The following BCAS3 variants were observed in gnomAD, a reference collection of about 807,000 sequenced individuals.
The protein encoded by BCAS3 is BCAS3 microtubule associated cell migration factor.
BCAS3 carries 53 observed loss-of-function variants against 116.1 expected under a neutral mutation model. The ratio of observed to expected loss-of-function variants is 0.46; its 90% confidence interval spans 0.37 to 0.57. The LOEUF is 0.57. Ranked by LOEUF, BCAS3 falls within the 20% of genes least tolerant of loss-of-function variation. BCAS3 has a pLI of 0.00. For missense variants in BCAS3, 917 were observed against 1,165.4 expected (o/e 0.79, Z 3.10); for synonymous variants, 391 against 408.2 (o/e 0.96, Z 0.51).
chr17:61,212,897 C>G (rs1310413138), intron 22 of BCAS3, among the ~76,000 whole-genome samples: 2 of 152,132 alleles, frequency 1.3e-5, no homozygotes, highest in African/African-American at 4.8e-5. Context: ...GAAAATTTGC[C>G]TGTATCTATA....
chr17:61,337,063 A>T lies in BCAS3; in HGVS notation c.2426-31264A>T, dbSNP rs12943227. Among the ~76,000 whole-genome samples the T allele has an allele frequency of 3.8e-3, 581 of 151,860 alleles. 3 individuals are homozygous for T. The highest frequency in any genetic ancestry group is 0.013 in the African/African-American group (547 of 41,454). ...GGGAGGTGGAGGTTGCAGTGAGCCA[A>T]GATTGCCTCATTGCACTCCAGCCTG... On this transcript the variant is annotated intron_variant, in intron 22 of 23. Transcript: ENST00000407086. This position sits in a 1 kb window ranked among gnomAD's most constrained non-coding sequence, Gnocchi z 4.8.
At chr17:61,093,440 A>G (rs1356976615) in intron 22 of BCAS3, among the ~76,000 whole-genome samples, 1 of 152,230 alleles carries the variant, frequency 6.6e-6, no homozygotes, top group East Asian at 1.9e-4. Context: ...TACAAAAATT[A>G]GCCAGGCATG....
At chr17:61,218,308 C>T (rs915541039) in intron 22 of BCAS3, among the ~76,000 whole-genome samples, 4 of 152,148 alleles carry the variant, frequency 2.6e-5, no homozygotes. Context: ...GACTGAAGAC[C>T]GAATTCTCCT....
chr17:61,375,443 A>T (rs1176122342), intron 23 of BCAS3, among the ~76,000 whole-genome samples: 1 of 152,020 alleles, frequency 6.6e-6, no homozygotes, highest in Non-Finnish European at 1.5e-5. Context: ...GTCAGTATGG[A>T]GGGCTGGGAA....
At chr17:61,351,711 C>T (rs770392004) in intron 22 of BCAS3, among the ~76,000 whole-genome samples, 6 of 152,184 alleles carry the variant, frequency 3.9e-5, no homozygotes, top group South Asian at 2.1e-4. Context: ...CTCCCCCTTC[C>T]GCATCTCAGA....
At chr17:61,334,284 T>C (rs552804110) in intron 22 of BCAS3, among the ~76,000 whole-genome samples, 5 of 152,342 alleles carry the variant, frequency 3.3e-5, no homozygotes, top group African/African-American at 9.6e-5. Context: ...GTGAGCTGGA[T>C]GACCTTGGGC....
intron 9 of BCAS3, among the ~76,000 whole-genome samples, chr17:60,881,178 G>C (rs2056107035): frequency 6.6e-6 from 1 of 152,060 alleles, no homozygotes; most frequent in Non-Finnish European, 1.5e-5. Flanking sequence ...ATTTCACTGT[G>C]TTAGCCAGGA....
intron 22 of BCAS3, among the ~76,000 whole-genome samples, chr17:61,310,703 GA>G (rs201678484): frequency 6.6e-6 from 1 of 152,334 alleles, no homozygotes; most frequent in East Asian, 1.9e-4. Flanking sequence ...TGAGAGACAT[GA>G]AGGGGGGCAG....
At chr17:61,183,487 C>T (rs896211515) in intron 22 of BCAS3, among the ~76,000 whole-genome samples, 22 of 152,068 alleles carry the variant, frequency 1.4e-4, no homozygotes, top group African/African-American at 5.3e-4. Context: ...ACAAAGGACT[C>T]ATAAACATAT....
At chr17:60,921,591 C>T (rs1055423303) in intron 12 of BCAS3, among the ~76,000 whole-genome samples, 18 of 132,274 alleles carry the variant, frequency 1.4e-4, no homozygotes, top group Admixed American at 1.2e-3. Context: ...CCAGCCTGGG[C>T]GACAGAGCGA....
chr17:60,689,570 G>T, intron 3 of BCAS3, 116 bp from the exon 4 acceptor site: 2 of 596,038 alleles, frequency 3.4e-6, no homozygotes, highest in Non-Finnish European at 5.8e-6. Context: ...TTACCAAGAT[G>T]TAGGGTTGGT....
chr17:61,359,104 G>A (rs1192421133), intron 22 of BCAS3, among the ~76,000 whole-genome samples: 5 of 152,052 alleles, frequency 3.3e-5, no homozygotes, highest in Non-Finnish European at 7.4e-5. Flanking sequence ...CGCATAACCA[G>A]TCAGCCTTAC....
chr17:61,155,548 A>T (rs1601617926), intron 22 of BCAS3, among the ~76,000 whole-genome samples: 1 of 152,194 alleles, frequency 6.6e-6, no homozygotes, highest in Middle Eastern at 3.4e-3. Context: ...TTGGTCACCC[A>T]GAGCTGCTCT....
chr17:61,227,965 G>A lies in BCAS3; in HGVS notation c.2426-140362G>A, dbSNP rs1306874178. On this transcript the variant is annotated intron_variant, in intron 22 of 23. Coordinates refer to ENST00000407086, the MANE Select transcript of BCAS3 (RefSeq NM_017679.5). This position sits in a 1 kb window ranked among gnomAD's most constrained non-coding sequence, Gnocchi z 6.1. ...CAGGGAAATAAAGTGCAAAGGCTTA[G>A]CCACAGGTGTAGCCATAGAATCCCT... Among the ~76,000 whole-genome samples the A allele has an allele frequency of 1.3e-5, 2 of 152,132 alleles. No individual in the cohort carries two copies. Among genetic ancestry groups the A allele is most frequent in the African/African-American group, 4.8e-5 (2 of 41,430 alleles).
intron 21 of BCAS3, among the ~76,000 whole-genome samples, chr17:61,080,998 GC>G (rs1348113366): frequency 6.6e-6 from 1 of 152,162 alleles, no homozygotes; most frequent in East Asian, 1.9e-4. Context: ...TTTCAGTGAT[GC>G]TAATTGATTA....
In BCAS3 at chr17:60,799,520, G is replaced by GTTTTTTTTTTTTTTTTTT. The variant is rs200098763; in HGVS notation, c.404-8481_404-8480insTTTTTTTTTTTTTTTTTT. On this transcript the variant is annotated intron_variant, in intron 6 of 23. Coordinates refer to ENST00000407086, the MANE Select transcript of BCAS3 (RefSeq NM_017679.5). Reference sequence around the variant, plus strand: ...AATATGTAAGTTTTTTGAGATTAGTGTTTGTTTTTTTTTTTTTTTTTTTTT... The same window carrying GTTTTTTTTTTTTTTTTTT: ...AATATGTAAGTTTTTTGAGATTAGTGTTTTTTTTTTTTTTTTTTTTTGTTTTTTTTTTTTTTTTTTTTT... 1.7e-4 allele frequency among the ~76,000 whole-genome samples: 20 copies of GTTTTTTTTTTTTTTTTTT among 117,638 alleles called. 4 individuals are homozygous for GTTTTTTTTTTTTTTTTTT. The highest frequency in any genetic ancestry group is 7.4e-4 in the African/African-American group (20 of 27,134). 77.2% of individuals were successfully genotyped at this position (117,638 alleles called of 152,430 possible).
chr17:61,037,784 T>A lies in BCAS3; in HGVS notation c.1763-105T>A. ...AAAATTCCTGTCTTTTCATTTTCTC[T>A]GAGCAGCCTCAGGAGCAGACTAATA... On this transcript the variant is annotated intron_variant, in intron 17 of 23. Transcript: ENST00000407086. The surrounding 1 kb of genome is among the most constrained non-coding windows in gnomAD (Gnocchi z 4.7). The A allele has an allele frequency of 9.5e-7, 1 of 1,050,284 alleles. No individual in the cohort carries two copies. The highest frequency in any genetic ancestry group is 2.8e-5 in the East Asian group (1 of 35,598). The allele number at this position is 1,050,284 out of a possible 1,614,324, so 65.1% of individuals were successfully genotyped here.
intron 15 of BCAS3, among the ~76,000 whole-genome samples, chr17:60,999,546 CAAAAAAA>C (rs1021249439): frequency 2.5e-4 from 16 of 62,934 alleles, no homozygotes; most frequent in African/African-American, 6.2e-4. Flanking sequence ...GACTGTGTCT[CAAAAAAA>C]AAAAAAAAAA....
In BCAS3 at chr17:61,352,293, CAGT is replaced by C. The variant is rs2057896330; in HGVS notation, c.2426-16032_2426-16030del. Among the ~76,000 whole-genome samples, 1 of 152,124 alleles carries C rather than the reference CAGT, an allele frequency of 6.6e-6. No homozygotes were observed. The highest frequency in any genetic ancestry group is 1.5e-5 in the Non-Finnish European group (1 of 68,024). On this transcript the variant is annotated intron_variant, in intron 22 of 23. Coordinates refer to ENST00000407086, the MANE Select transcript of BCAS3 (RefSeq NM_017679.5). The surrounding 1 kb of genome is among the most constrained non-coding windows in gnomAD (Gnocchi z 4.7). ...CATGGATGAATCCAATCTTCTAATC[CAGT>C]ATGTACCTTAGGCCCAAAGATAAAA...
Sources: gnomAD v4.1 joint callset for allele counts (sites outside exome capture counted in the v4.1 genomes callset) on GRCh38, gnomAD v4.1.1 for gene constraint, Gnocchi (gnomAD v3.1) non-coding constraint, MANE v1.5 for transcripts, NCBI Gene and HGNC (gene_info 2026-07-23, HGNC 2026-07-21) for gene names.